INSL6: variants seen among roughly 807,000 people sequenced by gnomAD.
INSL6 encodes the protein insulin-like peptide INSL6.
A neutral mutation model predicts 9.4 loss-of-function variants in INSL6; 16 were observed. The observed-to-expected ratio is 1.70, with a 90% CI of 1.15 to 2.59. The LOEUF (loss-of-function observed/expected upper bound fraction) is 2.59. Among genes scored for constraint, INSL6 ranks in the 30% most tolerant of loss-of-function variants. The pLI, the probability that INSL6 is intolerant of heterozygous loss-of-function variation, is 0.00. For synonymous variants in INSL6, 154 were observed against 96.9 expected, an observed-to-expected ratio of 1.59 and a Z score of -3.46; for missense variants, 391 against 257.3, an observed-to-expected ratio of 1.52 and a Z score of -3.56.
At chr9:5,019,319 A>G in the INSL6 span, among the ~76,000 whole-genome samples, 2 of 152,090 alleles carry the variant, frequency 1.3e-5, no homozygotes, top group Admixed American at 6.5e-5. Context: ...TTCTTCGTAG[A>G]TGCTCTAGAA....
At chr9:5,147,990 C>T (rs1211668103) in intron 2 of INSL6, among the ~76,000 whole-genome samples, 1 of 152,192 alleles carries the variant, frequency 6.6e-6, no homozygotes, top group African/African-American at 2.4e-5. Flanking sequence ...TTTTCTCAAT[C>T]TTGATGAGCT....
At chr9:5,040,531 C>G in the INSL6 span, among the ~76,000 whole-genome samples, 1 of 152,320 alleles carries the variant, frequency 6.6e-6, no homozygotes, top group East Asian at 1.9e-4. Flanking sequence ...CAAATGGGTT[C>G]CACAAAATGG....
chr9:5,084,559 T>C, the INSL6 span, among the ~76,000 whole-genome samples: 1 of 152,282 alleles, frequency 6.6e-6, no homozygotes, highest in African/African-American at 2.4e-5. Flanking sequence ...TTAAAAAATA[T>C]TTTCATACTG....
chr9:5,130,201 C>A (rs7860713), intron 3 of INSL6, among the ~76,000 whole-genome samples: 7 of 152,034 alleles, frequency 4.6e-5, no homozygotes, highest in African/African-American at 1.2e-4. Context: ...TTTAAAGGAG[C>A]TCTAAGAGTC....
the INSL6 span, chr9:5,094,796 C>G: frequency 5.3e-5 from 8 of 152,112 alleles, no homozygotes; most frequent in Non-Finnish European, 1.2e-4. Flanking sequence ...TACTATTTTT[C>G]TAGGAGTACT....
the INSL6 span, among the ~76,000 whole-genome samples, chr9:5,031,835 G>A: frequency 2.6e-5 from 4 of 152,238 alleles, no homozygotes; most frequent in African/African-American, 9.6e-5. Flanking sequence ...CATGGGCGAT[G>A]CAGAAGACGG....
chr9:5,113,484 G>A, the INSL6 span: 1 of 149,636 alleles, frequency 6.7e-6, no homozygotes, highest in Non-Finnish European at 1.5e-5. Flanking sequence ...GATCAGACTG[G>A]CCTAGAGTAG....
the INSL6 span, among the ~76,000 whole-genome samples, chr9:5,090,086 A>G: frequency 6.6e-6 from 1 of 152,256 alleles, no homozygotes; most frequent in Non-Finnish European, 1.5e-5. Flanking sequence ...AAGCTTACCA[A>G]GAAAGTATCA....
chr9:5,133,386 A>C (rs1824327487), intron 3 of INSL6: 1 of 151,708 alleles, frequency 6.6e-6, no homozygotes, highest in Non-Finnish European at 1.5e-5. Context: ...ATACTGAGCC[A>C]AAAAAAATAG....
At chr9:5,180,334 A>G (rs1194781616) in intron 1 of INSL6, among the ~76,000 whole-genome samples, 3 of 152,182 alleles carry the variant, frequency 2.0e-5, no homozygotes, top group South Asian at 2.1e-4. Flanking sequence ...AAAGAACAGA[A>G]TAACAGCAAT....
chr9:5,058,186 A>G, the INSL6 span, among the ~76,000 whole-genome samples: 5 of 152,188 alleles, frequency 3.3e-5, no homozygotes, highest in African/African-American at 1.2e-4. Context: ...TCTGCTTTCA[A>G]TTCCTTTGGA....
the INSL6 span, among the ~76,000 whole-genome samples, chr9:5,030,427 A>G: frequency 1.2e-4 from 18 of 152,184 alleles, no homozygotes; most frequent in Admixed American, 3.9e-4. Context: ...AGGATGAAAC[A>G]AAGATACGTT....
the INSL6 span, among the ~76,000 whole-genome samples, chr9:5,026,747 T>G: frequency 1.3e-5 from 2 of 152,198 alleles, no homozygotes; most frequent in East Asian, 3.8e-4. Flanking sequence ...GAATGTTCTA[T>G]ATATGCTTGA....
At chr9:5,096,905 C>T in the INSL6 span, 1 of 152,066 alleles carries the variant, frequency 6.6e-6, no homozygotes, top group South Asian at 2.1e-4. Flanking sequence ...GTTTCGGCAA[C>T]TAACTAGTCC....
At chr9:5,111,568 C>T in the INSL6 span, 5 of 364,542 alleles carry the variant, frequency 1.4e-5, no homozygotes, top group Non-Finnish European at 2.7e-5. Flanking sequence ...CAGATGGCAG[C>T]CTGCACCCCT....
At chr9:5,093,269 C>G in the INSL6 span, among the ~76,000 whole-genome samples, 1 of 152,178 alleles carries the variant, frequency 6.6e-6, no homozygotes, top group Non-Finnish European at 1.5e-5. Context: ...CTCGGCAAAT[C>G]TTACCCCACC....
In INSL6 at chr9:5,127,909, T is replaced by C. The variant is rs564550648; in HGVS notation, c.*11-3398A>G. On this transcript the variant is annotated intron_variant, in intron 3 of 3. Coordinates refer to the INSL6 transcript ENST00000649639. ...AGGTAAATAAGTAAAAAAGTATGCT[T>C]GTTAATTTTATTCAAGAATGCCAGT... The C allele has an allele frequency of 1.5e-3, 354 of 232,474 alleles. 2 individuals carry two copies. The highest frequency in any genetic ancestry group is 4.0e-3 in the South Asian group (22 of 5,518). The allele number at this position is 232,474 out of a possible 1,614,324, so 14.4% of individuals were successfully genotyped here. A position where few individuals can be genotyped will look rare whatever the true frequency, so the allele number is the denominator to read the frequency against.
At chr9:5,137,947 A>T (rs1365185637) in intron 2 of INSL6, among the ~76,000 whole-genome samples, 1 of 144,930 alleles carries the variant, frequency 6.9e-6, no homozygotes, top group African/African-American at 2.6e-5. Context: ...TTCTCAAAAG[A>T]AGACATTTAT....
chr9:5,159,452 T>A (rs936392188), downstream of INSL6, among the ~76,000 whole-genome samples: 1 of 151,076 alleles, frequency 6.6e-6, no homozygotes, highest in Non-Finnish European at 1.5e-5. Flanking sequence ...AATAAAGGGA[T>A]AGAAAAAGAT....
Sources: gnomAD v4.1 joint callset for allele counts (sites outside exome capture counted in the v4.1 genomes callset) on GRCh38, gnomAD v4.1.1 for gene constraint, MANE v1.5 for transcripts, NCBI Gene and HGNC (gene_info 2026-07-23, HGNC 2026-07-21) for gene names.